The following SYT16 variants were observed in gnomAD, a reference collection of about 807,000 sequenced individuals.
SYT16 encodes synaptotagmin 16.
In SYT16, 42 loss-of-function variants were observed where a neutral mutation model predicts 61.4. That is an observed-to-expected ratio of 0.68 (90% CI 0.53 to 0.89). SYT16 has a LOEUF of 0.89. Among genes scored for constraint, SYT16 ranks in the 40% least tolerant of loss-of-function variants. The pLI is 0.00. For synonymous variants in SYT16, 314 were observed against 302.3 expected (o/e 1.04, Z -0.40); for missense variants, 804 against 807.3 (o/e 1.00, Z 0.05).
rs142508998 is a variant in SYT16, at chr14:62,058,611, G to A, written c.524-10992G>A. On this transcript the variant is annotated intron_variant, in intron 3 of 7. Transcript: ENST00000683842. ...ACCTCTGATCTTAGTTGATCTGCCC[G>A]CCTTGGCCTCCCAAAGTGCTGGGAT... Among the ~76,000 whole-genome samples, 12 of 152,144 alleles carry A rather than the reference G, an allele frequency of 7.9e-5. No homozygotes were observed. The East Asian group carries it at 2.1e-3, about 27-fold the overall frequency.
Position 62,104,031 on chromosome 14 carries a change from A to G in SYT16, c.*3324A>G, listed in dbSNP as rs1448167407. Reference sequence around the variant, plus strand: ...ACCTCTTGTGCAGTTACTGTGCTTTAGATGACCTTATCTGAGAACCAAAAT... The same window carrying G: ...ACCTCTTGTGCAGTTACTGTGCTTTGGATGACCTTATCTGAGAACCAAAAT... On this transcript the variant is annotated 3_prime_UTR_variant, in exon 8 of 8. Transcript: ENST00000683842. The G allele has an allele frequency of 1.3e-5, 2 of 152,234 alleles. No individual in the cohort carries two copies. Among genetic ancestry groups the G allele is most frequent in the East Asian group, 1.9e-4 (1 of 5,206 alleles). 9.4% of individuals were successfully genotyped at this position (152,234 alleles called of 1,614,324 possible).
At chr14:61,903,907 G>A (rs758958611) in intron 1 of SYT16, among the ~76,000 whole-genome samples, 2 of 152,226 alleles carry the variant, frequency 1.3e-5, no homozygotes, top group African/African-American at 4.8e-5. Context: ...TTTCTTGCCT[G>A]TAGATCAGCA....
chr14:61,977,042 A>C (rs1243536267), intron 2 of SYT16, among the ~76,000 whole-genome samples: 1 of 152,204 alleles, frequency 6.6e-6, no homozygotes. Flanking sequence ...GCTAAAGCAT[A>C]GCAAGGGTGG....
chr14:61,964,445 G>C (rs1213843690), intron 1 of SYT16, among the ~76,000 whole-genome samples: 1 of 152,158 alleles, frequency 6.6e-6, no homozygotes, highest in Non-Finnish European at 1.5e-5. Context: ...ACTAGAATTA[G>C]AAATGGAGCC....
chr14:62,040,314 A>G (rs1222184640), intron 3 of SYT16, among the ~76,000 whole-genome samples: 1 of 152,206 alleles, frequency 6.6e-6, no homozygotes, highest in Non-Finnish European at 1.5e-5. Context: ...TTACTGAAAA[A>G]GAGAGAAAGA....
intron 1 of SYT16, among the ~76,000 whole-genome samples, chr14:61,917,474 A>G (rs751276585): frequency 3.5e-4 from 54 of 152,280 alleles, no homozygotes; most frequent in Non-Finnish European, 5.9e-4. Flanking sequence ...GCTATCTTCT[A>G]CTAGACTTGG....
chr14:62,087,570 T>G (rs1198423224), intron 7 of SYT16, among the ~76,000 whole-genome samples: 1 of 152,188 alleles, frequency 6.6e-6, no homozygotes. Flanking sequence ...TTTCTTCTCT[T>G]GAATATTGTT....
intron 3 of SYT16, among the ~76,000 whole-genome samples, chr14:62,002,396 C>T (rs976274208): frequency 7.9e-5 from 12 of 152,218 alleles, no homozygotes; most frequent in East Asian, 7.7e-4. Context: ...TCTTTAACAT[C>T]GTCTCCTCTT....
intron 7 of SYT16, among the ~76,000 whole-genome samples, chr14:62,090,703 C>A (rs182997409): frequency 4.6e-5 from 7 of 152,126 alleles, no homozygotes; most frequent in African/African-American, 1.2e-4. Context: ...ATATTAAAAG[C>A]AATAGAAAAG....
chr14:62,105,551 G>A lies in SYT16; in HGVS notation c.*4844G>A, dbSNP rs1026028214. Reference sequence around the variant, plus strand: ...CAAATTATCACTGTTTCCCTTATGAGATCCTAATGAAAGAAATTCAGTTGA... The same window carrying A: ...CAAATTATCACTGTTTCCCTTATGAAATCCTAATGAAAGAAATTCAGTTGA... On this transcript the variant is annotated 3_prime_UTR_variant, in exon 8 of 8. Transcript: ENST00000683842. 3 of 152,196 alleles carry A rather than the reference G, an allele frequency of 2.0e-5. No homozygotes were observed. The highest frequency in any genetic ancestry group is 2.4e-5 in the African/African-American group (1 of 41,454). 9.4% of individuals were successfully genotyped at this position (152,196 alleles called of 1,614,324 possible).
Position 62,019,862 on chromosome 14 carries a change from G to T in SYT16, c.523+23320G>T, listed in dbSNP as rs191514989. ...GCTGCCCACTACATCATTTAAAAGCGCCTATCTGACACCTGATTCTAAATG... is the reference window on the plus strand; with the variant it reads ...GCTGCCCACTACATCATTTAAAAGCTCCTATCTGACACCTGATTCTAAATG... On this transcript the variant is annotated intron_variant, in intron 3 of 7. Transcript: ENST00000683842. Among the ~76,000 whole-genome samples, 3 of 152,186 alleles carry T rather than the reference G, an allele frequency of 2.0e-5. No homozygotes were observed. In the South Asian group the frequency reaches 6.2e-4, roughly 31 times the overall value.
chr14:61,973,049 AT>A (rs1342840094), intron 2 of SYT16, among the ~76,000 whole-genome samples: 33 of 152,314 alleles, frequency 2.2e-4, no homozygotes, highest in African/African-American at 6.5e-4. Context: ...TGATAAAAAA[AT>A]GATAGAATAT....
chr14:61,856,881 G>A lies in SYT16; in HGVS notation c.-325+44071G>A, dbSNP rs564398379. Among the ~76,000 whole-genome samples, 20 of 152,180 alleles carry A rather than the reference G, an allele frequency of 1.3e-4. No individual in the cohort carries two copies. The South Asian group carries it at 3.1e-3, about 24-fold the overall frequency. ...AGACCTAGCAGGGATGAGAAGGAGC[G>A]GTCAATGAGGTAGGAGGAAACACAC... On this transcript the variant is annotated intron_variant, in intron 1 of 7. Coordinates refer to ENST00000683842, the MANE Select transcript of SYT16 (RefSeq NM_001367656.1).
intron 6 of SYT16, 129 bp downstream of exon 6, chr14:62,081,403 A>G: frequency 9.7e-7 from 1 of 1,028,474 alleles, no homozygotes; most frequent in Non-Finnish European, 1.4e-6. Flanking sequence ...GGCTCTCCTC[A>G]CCCTTGTAAG....
chr14:62,084,292 G>A lies in SYT16; in HGVS notation c.1531G>A (p.Val511Met). Residue 511 changes from valine to methionine, a missense_variant, in exon 7 of 8, where the codon GTG becomes ATG. Transcript: ENST00000683842. ...LSHGGAPELL[V>M]GLSYNATTGR... ...TCATGGAGGGGCGCCAGAGCTGTTG[G>A]TGGGGCTCTCGTACAATGCCACAAC... The A allele has an allele frequency of 3.1e-6, 5 of 1,613,782 alleles. No individual in the cohort carries two copies. The highest frequency in any genetic ancestry group is 4.2e-6 in the Non-Finnish European group (5 of 1,179,854).
intron 2 of SYT16, among the ~76,000 whole-genome samples, chr14:61,985,697 A>T (rs1192737361): frequency 6.6e-6 from 1 of 152,204 alleles, no homozygotes; most frequent in Non-Finnish European, 1.5e-5. Context: ...TTTAAAATTT[A>T]TAAAAACTAT....
intron 3 of SYT16, among the ~76,000 whole-genome samples, chr14:62,017,092 T>C (rs1298666686): frequency 6.6e-6 from 1 of 152,248 alleles, no homozygotes; most frequent in East Asian, 1.9e-4. Context: ...CATGCTCTTT[T>C]GGGTTGCTCT....
At chr14:61,846,380 T>C (rs67189708) in intron 1 of SYT16, among the ~76,000 whole-genome samples, 24,794 of 152,198 alleles carry the variant, frequency 0.16, 2,282 homozygotes, top group African/African-American at 0.26. Flanking sequence ...TATATCCTCC[T>C]GCTGAATCGA....
intron 3 of SYT16, among the ~76,000 whole-genome samples, chr14:62,005,370 G>C (rs377004639): frequency 6.6e-6 from 1 of 152,086 alleles, no homozygotes; most frequent in Non-Finnish European, 1.5e-5. Context: ...GGATATATGA[G>C]GTAAAAGAGC....
Sources: gnomAD v4.1 joint callset for allele counts (sites outside exome capture counted in the v4.1 genomes callset) on GRCh38, gnomAD v4.1.1 for gene constraint, MANE v1.5 for transcripts, NCBI Gene and HGNC (gene_info 2026-07-23, HGNC 2026-07-21) for gene names.